Variants in DSTYK observed in about 807,000 individuals in gnomAD.
DSTYK encodes the protein dual serine/threonine and tyrosine protein kinase.
A neutral mutation model predicts 98.7 loss-of-function variants in DSTYK; 34 were observed. That is an observed-to-expected ratio of 0.34 (90% confidence interval 0.26 to 0.46). DSTYK has a LOEUF of 0.46. DSTYK is among the 20% of genes least tolerant of loss of function. The probability of loss-of-function intolerance (pLI) is 1.00; values close to 1 mark genes in which losing one functional copy is unlikely to be tolerated. For synonymous variants in DSTYK, 462 were observed against 457.3 expected, an observed-to-expected ratio of 1.01 and a Z score of -0.13; for missense variants, 962 against 1,181.7, an observed-to-expected ratio of 0.81 and a Z score of 2.73.
chr1:205,169,935 C>T lies in DSTYK; in HGVS notation c.655-103G>A. 1.8e-6 allele frequency: 2 copies of T among 1,128,402 alleles called. No individual in the cohort carries two copies. The highest frequency in any genetic ancestry group is 3.2e-5 in the South Asian group (2 of 63,090). The allele number at this position is 1,128,402 out of a possible 1,614,324, so 69.9% of individuals were successfully genotyped here. A position where few individuals can be genotyped will look rare whatever the true frequency, so the allele number is the denominator to read the frequency against. On this transcript the variant is annotated intron_variant, in intron 2 of 12. Transcript: ENST00000367162. The surrounding 1 kb of genome is among the most constrained non-coding windows in gnomAD (Gnocchi z 4.0). ...ACCAAAATCCTGATCTACAATGGAA[C>T]AATTGGACTTCGGTACCCCAGCCAT...
intron 2 of DSTYK, among the ~76,000 whole-genome samples, chr1:205,172,255 CA>C (rs1398996492): frequency 2.0e-5 from 3 of 151,776 alleles, no homozygotes; most frequent in Non-Finnish European, 4.4e-5. Flanking sequence ...CCACACCCAG[CA>C]TGAGCAGTAG....
At chr1:205,157,839 G>A (rs1657608714) in intron 9 of DSTYK, among the ~76,000 whole-genome samples, 1 of 151,660 alleles carries the variant, frequency 6.6e-6, no homozygotes, top group South Asian at 2.1e-4. Context: ...AGAGCAAGTT[G>A]TAAAGGAGAC....
intron 1 of DSTYK, among the ~76,000 whole-genome samples, chr1:205,210,316 G>T (rs933400561): frequency 6.6e-6 from 1 of 152,080 alleles, no homozygotes; most frequent in Non-Finnish European, 1.5e-5. Context: ...CGCCCCTGGG[G>T]TGAGTTTAAT....
intron 10 of DSTYK, among the ~76,000 whole-genome samples, chr1:205,151,148 T>G (rs1020019423): frequency 6.6e-6 from 1 of 152,070 alleles, no homozygotes; most frequent in Non-Finnish European, 1.5e-5. Flanking sequence ...AGATAAAAAA[T>G]GGTATACCTG....
intron 10 of DSTYK, among the ~76,000 whole-genome samples, chr1:205,151,689 CTTTCTT>C (rs1657410122): frequency 5.9e-5 from 4 of 67,260 alleles, no homozygotes; most frequent in Admixed American, 1.7e-4. Context: ...TGGTTATAGG[CTTTCTT>C]TTTTTTTTTT....
chr1:205,159,930 A>C (rs1276651811), intron 8 of DSTYK, 184 bp downstream of exon 8: 2 of 831,112 alleles, frequency 2.4e-6, no homozygotes, highest in Non-Finnish European at 3.8e-6. Context: ...TGAGTCTGAG[A>C]AATTAGGATG....
intron 1 of DSTYK, among the ~76,000 whole-genome samples, chr1:205,191,552 C>A (rs1658714413): frequency 6.6e-6 from 1 of 152,090 alleles, no homozygotes; most frequent in African/African-American, 2.4e-5. Flanking sequence ...TTCTAAAATG[C>A]CAGGTTTTAA....
At chr1:205,181,656 T>TGGG (rs1558616449) in intron 2 of DSTYK, among the ~76,000 whole-genome samples, 4 of 142,544 alleles carry the variant, frequency 2.8e-5, no homozygotes, top group Non-Finnish European at 4.6e-5. Context: ...ATGTTGGGGT[T>TGGG]TGTGTGTGTG....
At chr1:205,171,464 A>G (rs12120500) in intron 2 of DSTYK, among the ~76,000 whole-genome samples, 192 of 130,900 alleles carry the variant, frequency 1.5e-3, no homozygotes, top group African/African-American at 4.4e-3. Flanking sequence ...TAAAAAAAAA[A>G]AAAAAAAAAA....
intron 1 of DSTYK, chr1:205,202,081 AAAGGGAGAAGGGG>A (rs1659056266): frequency 1.8e-5 from 7 of 378,646 alleles, no homozygotes; most frequent in South Asian, 3.9e-5. Flanking sequence ...GGGAGAGGGG[AAAGGGAGAAGGGG>A]AAGGGAGAGG....
intron 2 of DSTYK, among the ~76,000 whole-genome samples, chr1:205,186,461 T>C (rs1055441079): frequency 2.6e-5 from 4 of 152,184 alleles, no homozygotes; most frequent in African/African-American, 7.2e-5. Flanking sequence ...GACTCATTCA[T>C]TGACTGAGAA....
At chr1:205,157,001 C>T (rs1657582088) in intron 10 of DSTYK, among the ~76,000 whole-genome samples, 1 of 152,186 alleles carries the variant, frequency 6.6e-6, no homozygotes, top group South Asian at 2.1e-4. Flanking sequence ...CTCCTTGCTG[C>T]TGCCATGTGA....
In DSTYK at chr1:205,150,607, G is replaced by T; in HGVS notation, c.2467+73C>A. On this transcript the variant is annotated intron_variant, in intron 11 of 12. Transcript: ENST00000367162. This position sits in a 1 kb window ranked among gnomAD's most constrained non-coding sequence, Gnocchi z 4.1. ...ACCTGCCAGTAGTGATTGTGGAAAC[G>T]AGCTCAAGGGGTAGCACTCAGGATT... 1.6e-6 allele frequency: 2 copies of T among 1,230,778 alleles called. No individual in the cohort carries two copies. Among genetic ancestry groups the T allele is most frequent in the South Asian group, 1.3e-5 (1 of 77,644 alleles). 76.2% of individuals were successfully genotyped at this position (1,230,778 alleles called of 1,614,324 possible).
intron 2 of DSTYK, among the ~76,000 whole-genome samples, chr1:205,185,718 C>T (rs934978812): frequency 6.6e-6 from 1 of 152,122 alleles, no homozygotes; most frequent in Non-Finnish European, 1.5e-5. Flanking sequence ...GTATGTCTTA[C>T]AGTGAATTAA....
chr1:205,159,971 G>A, intron 8 of DSTYK, 143 bp downstream of exon 8: 1 of 985,694 alleles, frequency 1.0e-6, no homozygotes, highest in Non-Finnish European at 1.6e-6. Context: ...GACAGTAAAG[G>A]CCTGAAAGGG....
At chr1:205,173,722 T>G (rs1418705366) in intron 2 of DSTYK, among the ~76,000 whole-genome samples, 1 of 151,836 alleles carries the variant, frequency 6.6e-6, no homozygotes, top group East Asian at 2.0e-4. Flanking sequence ...CCAATACGGT[T>G]GTTTTTTTTT....
intron 1 of DSTYK, among the ~76,000 whole-genome samples, chr1:205,196,240 T>C (rs149810123): frequency 7.9e-5 from 12 of 152,058 alleles, no homozygotes; most frequent in Non-Finnish European, 1.6e-4. Flanking sequence ...AACTAATACA[T>C]ATAGAAGGAA....
chr1:205,201,318 C>T (rs1659030704), intron 1 of DSTYK, among the ~76,000 whole-genome samples: 1 of 149,838 alleles, frequency 6.7e-6, no homozygotes, highest in African/African-American at 2.5e-5. Context: ...TTTCACATTG[C>T]ATGCCTGTAT....
chr1:205,147,932 A>G (rs919294802), intron 12 of DSTYK, among the ~76,000 whole-genome samples, 187 bp from the exon 13 acceptor site: 3 of 152,098 alleles, frequency 2.0e-5, no homozygotes, highest in African/African-American at 7.2e-5. Flanking sequence ...AAAAAGAAAG[A>G]AAGAAAAAGA....
Sources: allele counts gnomAD v4.1 joint callset (sites outside exome capture counted in the v4.1 genomes callset), GRCh38; gene constraint gnomAD v4.1.1; non-coding constraint Gnocchi (gnomAD v3.1); transcripts MANE v1.5; gene names NCBI Gene and HGNC (gene_info 2026-07-23, HGNC 2026-07-21).